CALCOCO2: variants seen among roughly 807,000 people sequenced by gnomAD.
CALCOCO2 encodes the protein calcium-binding and coiled-coil domain-containing protein 2.
A neutral mutation model predicts 62.5 loss-of-function variants in CALCOCO2; 42 were observed. The ratio of observed to expected loss-of-function variants is 0.67; its 90% CI spans 0.53 to 0.87. The LOEUF (loss-of-function observed/expected upper bound fraction) is 0.87, where lower values mean the gene tolerates loss of function less well. Among genes scored for constraint, CALCOCO2 ranks in the 40% least tolerant of loss-of-function variants. The pLI is 0.00. For synonymous variants in CALCOCO2, 167 were observed against 173.0 expected (o/e 0.97, Z 0.27); for missense variants, 456 against 515.0 (o/e 0.89, Z 1.11).
chr17:48,841,685 C>T lies in CALCOCO2; in HGVS notation c.-10-13C>T. Reference sequence around the variant, plus strand: ...GCTTTCTGAGCCTTACTCTGTTCCACATTTCATAACAGGACCCCTACCATG... The same window carrying T: ...GCTTTCTGAGCCTTACTCTGTTCCATATTTCATAACAGGACCCCTACCATG... On this transcript the variant is annotated splice_polypyrimidine_tract_variant and intron_variant, in intron 1 of 12. Coordinates refer to ENST00000258947, the MANE Select transcript of CALCOCO2 (RefSeq NM_005831.5). 6.3e-7 allele frequency: 1 copy of T among 1,577,788 alleles called. No individual in the cohort carries two copies. The highest frequency in any genetic ancestry group is 8.7e-7 in the Non-Finnish European group (1 of 1,155,232).
At chr17:48,857,377 A>G (rs969599803) in intron 10 of CALCOCO2, among the ~76,000 whole-genome samples, 6 of 149,952 alleles carry the variant, frequency 4.0e-5, no homozygotes, top group Admixed American at 4.0e-4. Flanking sequence ...TTGTATTTTT[A>G]GTAGAGACGG....
chr17:48,858,034 G>GAATAGAATAGAATAGAATAGAA (rs2040257576), intron 10 of CALCOCO2, among the ~76,000 whole-genome samples: 1 of 24,432 alleles, frequency 4.1e-5, no homozygotes, highest in African/African-American at 8.7e-5. Flanking sequence ...GAATAGAATA[G>GAATAGAATAGAATAGAATAGAA]AATAGAATAG....
intron 10 of CALCOCO2, among the ~76,000 whole-genome samples, chr17:48,858,002 T>G (rs557479269): frequency 1.5e-4 from 3 of 19,752 alleles, no homozygotes; most frequent in South Asian, 4.1e-3. Context: ...TAGAATAGAA[T>G]AGAATAGAAT....
intron 2 of CALCOCO2, among the ~76,000 whole-genome samples, chr17:48,843,365 A>G (rs186168060): frequency 5.3e-4 from 81 of 152,130 alleles, no homozygotes; most frequent in Non-Finnish European, 3.8e-4. Flanking sequence ...TACACTGCCA[A>G]CTCCCAACGT....
chr17:48,831,845 G>A (rs982811290), intron 1 of CALCOCO2: 1 of 152,186 alleles, frequency 6.6e-6, no homozygotes, highest in African/African-American at 2.4e-5. Flanking sequence ...TCTATTATTG[G>A]AAACACCATT....
At chr17:48,845,808 T>C (rs2040045529) in intron 2 of CALCOCO2, among the ~76,000 whole-genome samples, 1 of 151,700 alleles carries the variant, frequency 6.6e-6, no homozygotes, top group South Asian at 2.1e-4. Context: ...GTAGTATCTC[T>C]TGGGCATAAG....
chr17:48,849,512 G>C (rs983486287), intron 5 of CALCOCO2, 135 bp downstream of exon 5: 1 of 759,202 alleles, frequency 1.3e-6, no homozygotes, highest in East Asian at 2.8e-5. Context: ...CATTAGTTTT[G>C]TTTGTTTGTT....
At chr17:48,841,388 C>T (rs1275105687) in intron 1 of CALCOCO2, among the ~76,000 whole-genome samples, 1 of 152,082 alleles carries the variant, frequency 6.6e-6, no homozygotes, top group Admixed American at 6.6e-5. Flanking sequence ...TTTATCTAGG[C>T]TGCCTTGCTT....
intron 2 of CALCOCO2, among the ~76,000 whole-genome samples, chr17:48,844,614 G>A (rs1016084858): frequency 1.3e-5 from 2 of 151,960 alleles, no homozygotes; most frequent in African/African-American, 4.8e-5. Context: ...CGCCTCCCCA[G>A]TTCAAGCGAT....
intron 10 of CALCOCO2, among the ~76,000 whole-genome samples, chr17:48,858,066 G>GAATAGAATAGAATAC (rs2040268846): frequency 2.8e-5 from 4 of 144,742 alleles, no homozygotes; most frequent in Admixed American, 1.4e-4. Flanking sequence ...GAATAGAATA[G>GAATAGAATAGAATAC]AATAGAATTT....
rs2040212298 is a variant in CALCOCO2 at position 48,856,149 on chromosome 17, C to T, written c.970C>T (p.Leu324=). The change falls in exon 10 of 13, where the codon CTG becomes TTG. Residue 324 remains leucine, a synonymous_variant. Transcript: ENST00000258947. ...LSENEIICNA[L]QRQKERLEGE... ...TGAGAACGAAATTATATGTAATGCT[C>T]TGCAGAGACAGAAAGAGAGATTGGA... 2.5e-6 allele frequency: 4 copies of T among 1,604,146 alleles called. No individual in the cohort carries two copies. Among genetic ancestry groups the T allele is most frequent in the Non-Finnish European group, 3.4e-6 (4 of 1,171,972 alleles).
At chr17:48,836,110 G>A (rs1293060910) in intron 1 of CALCOCO2, among the ~76,000 whole-genome samples, 1 of 152,180 alleles carries the variant, frequency 6.6e-6, no homozygotes, top group African/African-American at 2.4e-5. Flanking sequence ...CATGCCCTTA[G>A]CTGGTCTTGC....
chr17:48,846,650 G>T (rs561945256), intron 2 of CALCOCO2: 4 of 606,230 alleles, frequency 6.6e-6, no homozygotes, highest in Non-Finnish European at 1.2e-5. Context: ...CTGTACCACC[G>T]CAGGCTGCAG....
At chr17:48,856,051 C>A in intron 9 of CALCOCO2, 41 bp from the exon 10 acceptor site, 1 of 1,022,756 alleles carries the variant, frequency 9.8e-7, no homozygotes, top group Non-Finnish European at 1.5e-6. Flanking sequence ...ACCCAGACTG[C>A]AATATGTGAT....
rs759678667 is a variant in CALCOCO2, at chr17:48,848,110, C to G, written c.227C>G (p.Thr76Ser). The change falls in exon 3 of 13, where the codon ACT becomes AGT. Residue 76 changes from threonine (T) to serine (S), a missense_variant. Physicochemically the swap from Thr to Ser is moderately conservative, Grantham distance 58 (BLOSUM62 1). Transcript: ENST00000258947. ...GAGTATTACACCTTCATGTGGGTTA[C>G]TTTGCCCATTGACCTAAACAACAAA... ...TREYYTFMWV[T>S]LPIDLNNKSA... 2.5e-6 allele frequency: 4 copies of G among 1,613,564 alleles called. No individual in the cohort carries two copies. The highest frequency in any genetic ancestry group is 2.5e-6 in the Non-Finnish European group (3 of 1,179,626).
chr17:48,851,524 G>C, intron 6 of CALCOCO2, 35 bp from the exon 7 acceptor site: 1 of 1,266,390 alleles, frequency 7.9e-7, no homozygotes, highest in Non-Finnish European at 1.2e-6. Context: ...CCTGGAATCA[G>C]TGAATTTTTC....
intron 7 of CALCOCO2, chr17:48,852,250 T>C (rs1304384742): frequency 8.3e-6 from 3 of 362,736 alleles, no homozygotes; most frequent in Non-Finnish European, 1.5e-5. Flanking sequence ...TCTATATCAA[T>C]AATCAAACTT....
At chr17:48,839,223 G>T (rs2039939624) in intron 1 of CALCOCO2, among the ~76,000 whole-genome samples, 1 of 151,852 alleles carries the variant, frequency 6.6e-6, no homozygotes, top group Non-Finnish European at 1.5e-5. Context: ...TAGCCAGGAT[G>T]GTCTCAATCT....
chr17:48,856,789 T>C (rs1387908243), intron 10 of CALCOCO2, among the ~76,000 whole-genome samples: 2 of 151,772 alleles, frequency 1.3e-5, no homozygotes, highest in Non-Finnish European at 2.9e-5. Flanking sequence ...TTTTTTTTTT[T>C]TTTCTTTTTT....
Sources: allele counts gnomAD v4.1 joint callset (sites outside exome capture counted in the v4.1 genomes callset), GRCh38; gene constraint gnomAD v4.1.1; transcripts MANE v1.5; gene names NCBI Gene and HGNC (gene_info 2026-07-23, HGNC 2026-07-21).